Variants in TM2D1 observed in about 807,000 individuals in gnomAD.
The protein encoded by TM2D1 is TM2 domain-containing protein 1.
Under a neutral mutation model 28.4 loss-of-function variants are expected in TM2D1, and 15 were observed. The ratio of observed to expected loss-of-function variants is 0.53; its 90% CI spans 0.35 to 0.81. TM2D1 has a LOEUF of 0.81. TM2D1 is among the 40% of genes least tolerant of loss of function. The probability of loss-of-function intolerance (pLI) is 0.01; values close to 1 mark genes in which losing one functional copy is unlikely to be tolerated. For missense variants in TM2D1, 236 were observed against 254.9 expected (o/e 0.93, Z 0.50); for synonymous variants, 93 against 96.2 (o/e 0.97, Z 0.20).
At chr1:61,683,356 C>A in intron 6 of TM2D1, 61 bp downstream of exon 6, 1 of 549,688 alleles carries the variant, frequency 1.8e-6, no homozygotes, top group Non-Finnish European at 2.8e-6. Context: ...CTAAAATTCT[C>A]ATAATTTTAT....
intron 2 of TM2D1, among the ~76,000 whole-genome samples, chr1:61,719,837 C>T (rs764933129): frequency 2.6e-5 from 4 of 152,046 alleles, no homozygotes; most frequent in Non-Finnish European, 5.9e-5. Context: ...TCTAACTTTT[C>T]GGTAGGTTTG....
At chr1:61,681,675 A>G (rs542973982) in intron 6 of TM2D1, among the ~76,000 whole-genome samples, 1 of 152,350 alleles carries the variant, frequency 6.6e-6, no homozygotes, top group East Asian at 1.9e-4. Flanking sequence ...TACTTTTGAA[A>G]GAGACACAAT....
intron 5 of TM2D1, among the ~76,000 whole-genome samples, chr1:61,687,520 G>A (rs1004616607): frequency 6.6e-6 from 1 of 151,996 alleles, no homozygotes; most frequent in African/African-American, 2.4e-5. Flanking sequence ...TAATTTGTTT[G>A]TATATACTTA....
chr1:61,711,189 G>T (rs1280162179), intron 2 of TM2D1, among the ~76,000 whole-genome samples: 2 of 150,846 alleles, frequency 1.3e-5, no homozygotes, highest in East Asian at 4.0e-4. Flanking sequence ...AATTAGCCAG[G>T]CATGGTGGCG....
At position 61,709,416 on chromosome 1, in the gene TM2D1, T is replaced by C. The variant is rs1014500283; in HGVS notation, c.260A>G (p.Asn87Ser). The C allele has an allele frequency of 5.6e-6, 9 of 1,613,038 alleles. No homozygotes were observed. Among genetic ancestry groups the C allele is most frequent in the Admixed American group, 3.3e-5 (2 of 59,968 alleles). ...TAHVSCFPAP[N>S]ITCKDSSGNE... ...GCCACTGGAATCCTTACAAGTTATGTTGGGTGCTGGAAAACAGGAAACTGA... is the reference window on the plus strand; with the variant it reads ...GCCACTGGAATCCTTACAAGTTATGCTGGGTGCTGGAAAACAGGAAACTGA... The change falls in exon 3 of 7, where the codon AAC (asparagine) becomes AGC (serine). Residue 87 changes from asparagine to serine, a missense_variant. Coordinates refer to ENST00000606498, the MANE Select transcript of TM2D1 (RefSeq NM_032027.3).
intron 5 of TM2D1, among the ~76,000 whole-genome samples, chr1:61,693,980 C>T (rs1006187935): frequency 6.6e-5 from 10 of 152,168 alleles, no homozygotes; most frequent in African/African-American, 2.4e-4. Flanking sequence ...TGTTTAAGGA[C>T]AGCATTTCAC....
At chr1:61,700,164 A>C in intron 4 of TM2D1, 1 of 1,519,326 alleles carries the variant, frequency 6.6e-7, no homozygotes, top group Non-Finnish European at 8.8e-7. Context: ...TAATCTCGTG[A>C]CAATTTTCCT....
intron 5 of TM2D1, among the ~76,000 whole-genome samples, chr1:61,693,814 C>T (rs1320272994): frequency 6.6e-6 from 1 of 152,310 alleles, no homozygotes; most frequent in African/African-American, 2.4e-5. Flanking sequence ...AACTGACACA[C>T]TTGCTAAAGA....
intron 3 of TM2D1, among the ~76,000 whole-genome samples, chr1:61,706,213 A>G (rs1310476191): frequency 6.6e-6 from 1 of 152,022 alleles, no homozygotes; most frequent in African/African-American, 2.4e-5. Context: ...TTTTTCTTTT[A>G]TTTGTTTGAG....
Position 61,700,926 on chromosome 1 carries a change from A to G in TM2D1, c.439+8T>C, listed in dbSNP as rs776823319. On this transcript the variant is annotated splice_region_variant and intron_variant, in intron 4 of 6. Coordinates refer to ENST00000606498, the MANE Select transcript of TM2D1 (RefSeq NM_032027.3). The stretch of plus-strand genomic sequence containing the variant: ...CATAAGGATTTTTTTTTAATGAAAC[A>G]TACGCACCCAAAGCAGGGTATCCAA... The G allele has an allele frequency of 3.8e-6, 6 of 1,598,090 alleles. No homozygotes were observed. Among genetic ancestry groups the G allele is most frequent in the Admixed American group, 1.8e-5 (1 of 57,142 alleles).
chr1:61,714,919 A>G (rs1644505946), intron 2 of TM2D1, among the ~76,000 whole-genome samples: 1 of 152,158 alleles, frequency 6.6e-6, no homozygotes, highest in African/African-American at 2.4e-5. Flanking sequence ...TTCAATATTT[A>G]ATCATTTCTA....
chr1:61,718,714 T>C (rs1644540256), intron 2 of TM2D1, among the ~76,000 whole-genome samples: 1 of 152,206 alleles, frequency 6.6e-6, no homozygotes, highest in South Asian at 2.1e-4. Flanking sequence ...CCATCAATTA[T>C]GTTACTTTAC....
rs1644242196 is a variant in TM2D1 at position 61,681,312 on chromosome 1, C to A, written c.*58G>T. 6.6e-6 allele frequency: 1 copy of A among 152,308 alleles called. No homozygotes were observed. 9.4% of individuals were successfully genotyped at this position (152,308 alleles called of 1,614,324 possible). A position where few individuals can be genotyped will look rare whatever the true frequency, so the allele number is the denominator to read the frequency against. ...AAAAAGAGAAATCTTTAAATCCATACACTAGAAGTTCTCTATTAAAATCAA... is the reference window on the plus strand; with the variant it reads ...AAAAAGAGAAATCTTTAAATCCATAAACTAGAAGTTCTCTATTAAAATCAA... On this transcript the variant is annotated 3_prime_UTR_variant, in exon 7 of 7. Coordinates refer to ENST00000606498, the MANE Select transcript of TM2D1 (RefSeq NM_032027.3).
chr1:61,683,573 T>A (rs1310978245), intron 5 of TM2D1, 27 bp from the exon 6 acceptor site: 3 of 1,098,568 alleles, frequency 2.7e-6, no homozygotes, highest in Non-Finnish European at 3.9e-6. Flanking sequence ...TTCAAAATTA[T>A]TCATTTTACA....
At chr1:61,686,981 C>T in intron 5 of TM2D1, 1 of 984,718 alleles carries the variant, frequency 1.0e-6, no homozygotes, top group Non-Finnish European at 1.2e-6. Flanking sequence ...TAAATATGAC[C>T]ATGTCCATTT....
At chr1:61,694,134 GC>G (rs1447630940) in intron 5 of TM2D1, 1 of 151,976 alleles carries the variant, frequency 6.6e-6, no homozygotes, top group Non-Finnish European at 1.5e-5. Flanking sequence ...TCTAAAGAAC[GC>G]CCTTTTTTTT....
chr1:61,707,173 T>C (rs1395220306), intron 3 of TM2D1, among the ~76,000 whole-genome samples: 3 of 152,174 alleles, frequency 2.0e-5, no homozygotes, highest in Non-Finnish European at 4.4e-5. Flanking sequence ...GAGGATGGCT[T>C]GAACCAGGAA....
In TM2D1 at chr1:61,691,957, A is replaced by ATATATATATATATG. The variant is rs1557527403; in HGVS notation, c.513+2739_513+2740insCATATATATATATA. Among the ~76,000 whole-genome samples the ATATATATATATATG allele has an allele frequency of 2.9e-5, 4 of 136,174 alleles. No individual in the cohort carries two copies. In the East Asian group the frequency reaches 8.6e-4, roughly 29 times the overall value. The allele number at this position is 136,174 out of a possible 152,430, so 89.3% of individuals were successfully genotyped here. On this transcript the variant is annotated intron_variant, in intron 5 of 6. Coordinates refer to ENST00000606498, the MANE Select transcript of TM2D1 (RefSeq NM_032027.3). ...AATATATATATATATATATATATATATATGTATATATATATGGCACAAAAT... is the reference window on the plus strand; with the variant it reads ...AATATATATATATATATATATATATATATATATATATATGTATGTATATATATATGGCACAAAAT...
At chr1:61,714,197 A>G (rs1644500638) in intron 2 of TM2D1, among the ~76,000 whole-genome samples, 1 of 149,052 alleles carries the variant, frequency 6.7e-6, no homozygotes, top group Non-Finnish European at 1.5e-5. Flanking sequence ...GCCCGGCCAA[A>G]AACCAAATAT....
Sources: gnomAD v4.1 joint callset for allele counts (sites outside exome capture counted in the v4.1 genomes callset) on GRCh38, gnomAD v4.1.1 for gene constraint, MANE v1.5 for transcripts, NCBI Gene and HGNC (gene_info 2026-07-23, HGNC 2026-07-21) for gene names.